The following OR5AS1 variants were observed in gnomAD, a reference collection of about 807,000 sequenced individuals.
OR5AS1 encodes olfactory receptor family 5 subfamily AS member 1.
For synonymous variants in OR5AS1, 196 were observed against 141.7 expected (o/e 1.38, Z -2.72); for missense variants, 492 against 378.2 (o/e 1.30, Z -2.50).
rs1279459255 is a variant in OR5AS1, at chr11:56,036,521, A to G, written c.*5128A>G. 6 of 152,128 alleles carry G rather than the reference A, an allele frequency of 3.9e-5. No individual in the cohort carries two copies. The highest frequency in any genetic ancestry group is 8.8e-5 in the Non-Finnish European group (6 of 68,026). The allele number at this position is 152,128 out of a possible 1,614,324, so 9.4% of individuals were successfully genotyped here. ...ATAAACACCTCCACACAAATAAACT[A>G]GAAAACCTGGAAGAAATGGTTAAAT... On this transcript the variant is annotated 3_prime_UTR_variant, in exon 2 of 2. Transcript: ENST00000641320.
In OR5AS1 at chr11:56,034,728, C is replaced by T. The variant is rs1853387115; in HGVS notation, c.*3335C>T. The stretch of plus-strand genomic sequence containing the variant: ...GGAGAAACTCCCCAACCTAACAAGA[C>T]AGGCCAACATTCAAATTCAGGAAAT... On this transcript the variant is annotated 3_prime_UTR_variant, in exon 2 of 2. Transcript: ENST00000641320. 1 of 152,102 alleles carries T rather than the reference C, an allele frequency of 6.6e-6. No individual in the cohort carries two copies. Among genetic ancestry groups the T allele is most frequent in the South Asian group, 2.1e-4 (1 of 4,826 alleles). The allele number at this position is 152,102 out of a possible 1,614,324, so 9.4% of individuals were successfully genotyped here. A position where few individuals can be genotyped will look rare whatever the true frequency, so the allele number is the denominator to read the frequency against.
At position 56,030,534 on chromosome 11, in the gene OR5AS1, T is replaced by A. The variant is rs777094904; in HGVS notation, c.116T>A (p.Met39Lys). ...LVFLLVYTLT[M>K]VGNILLIILV... ...TTCCTTCTGGTATATACATTAACTATGGTCGGAAATATACTCTTAATAATT... is the reference window on the plus strand; with the variant it reads ...TTCCTTCTGGTATATACATTAACTAAGGTCGGAAATATACTCTTAATAATT... The change falls in exon 2 of 2, where the codon ATG becomes AAG. Residue 39 changes from methionine to lysine, a missense_variant. By Grantham distance (95) the Met-to-Lys change is moderately conservative (BLOSUM62 -1). Coordinates refer to ENST00000641320, the MANE Select transcript of OR5AS1 (RefSeq NM_001001921.2). 6.4e-7 allele frequency: 1 copy of A among 1,554,762 alleles called. No homozygotes were observed. The highest frequency in any genetic ancestry group is 1.4e-5 in the African/African-American group (1 of 72,472).
intron 1 of OR5AS1, among the ~76,000 whole-genome samples, chr11:56,028,056 A>G (rs1224116219): frequency 6.6e-6 from 1 of 152,136 alleles, no homozygotes; most frequent in African/African-American, 2.4e-5. Flanking sequence ...CTCAGATTTT[A>G]TAAGCACAAA....
In OR5AS1 at chr11:56,035,196, G is replaced by T. The variant is rs117682126; in HGVS notation, c.*3803G>T. On this transcript the variant is annotated 3_prime_UTR_variant, in exon 2 of 2. Transcript: ENST00000641320. ...TTTTAAAGAACATTGACACTACGAA[G>T]AAACCACATCAGCTAATGGGCAAAA... The T allele has an allele frequency of 6.6e-6, 1 of 152,062 alleles. No homozygotes were observed. Among genetic ancestry groups the T allele is most frequent in the Non-Finnish European group, 1.5e-5 (1 of 68,026 alleles). The allele number at this position is 152,062 out of a possible 1,614,324, so 9.4% of individuals were successfully genotyped here. A position where few individuals can be genotyped will look rare whatever the true frequency, so the allele number is the denominator to read the frequency against.
rs545109019 is a variant in OR5AS1 at position 56,036,643 on chromosome 11, G to A, written c.*5250G>A. 1 of 152,082 alleles carries A rather than the reference G, an allele frequency of 6.6e-6. No individual in the cohort carries two copies. The highest frequency in any genetic ancestry group is 6.6e-5 in the Admixed American group (1 of 15,262). The allele number at this position is 152,082 out of a possible 1,614,324, so 9.4% of individuals were successfully genotyped here. ...CCCAAAATTGAGGCAGTAATTAATAGCCTACCAACAAAAAATAGTCCAGGA... is the reference window on the plus strand; with the variant it reads ...CCCAAAATTGAGGCAGTAATTAATAACCTACCAACAAAAAATAGTCCAGGA... On this transcript the variant is annotated 3_prime_UTR_variant, in exon 2 of 2. Transcript: ENST00000641320.
chr11:56,032,489 A>G lies in OR5AS1; in HGVS notation c.*1096A>G, dbSNP rs556317695. ...CTTTTTGTCTTATTTTGACAAAGTTAAAGTGATACACCATGTACATGTGAA... is the reference window on the plus strand; with the variant it reads ...CTTTTTGTCTTATTTTGACAAAGTTGAAGTGATACACCATGTACATGTGAA... On this transcript the variant is annotated 3_prime_UTR_variant, in exon 2 of 2. Coordinates refer to ENST00000641320, the MANE Select transcript of OR5AS1 (RefSeq NM_001001921.2). The G allele has an allele frequency of 6.6e-6, 1 of 152,250 alleles. No individual in the cohort carries two copies. Among genetic ancestry groups the G allele is most frequent in the Non-Finnish European group, 1.5e-5 (1 of 68,030 alleles). The allele number at this position is 152,250 out of a possible 1,614,324, so 9.4% of individuals were successfully genotyped here. A position where few individuals can be genotyped will look rare whatever the true frequency, so the allele number is the denominator to read the frequency against.
chr11:56,030,064 C>A (rs1168908187), intron 1 of OR5AS1, among the ~76,000 whole-genome samples: 1 of 152,078 alleles, frequency 6.6e-6, no homozygotes, highest in African/African-American at 2.4e-5. Context: ...ATTTTGCCAA[C>A]TCTCATTATT....
chr11:56,030,282 C>T, intron 1 of OR5AS1, 109 bp from the exon 2 acceptor site: 1 of 447,398 alleles, frequency 2.2e-6, no homozygotes, highest in Non-Finnish European at 3.9e-6. Context: ...CAAAAAATGA[C>T]ATCTCTGTGA....
chr11:56,031,138 T>C lies in OR5AS1; in HGVS notation c.720T>C (p.Thr240=). 6.2e-7 allele frequency: 1 copy of C among 1,614,110 alleles called. No individual in the cohort carries two copies. The change falls in exon 2 of 2, where the codon ACT becomes ACC. Residue 240 remains threonine (T), a synonymous_variant. Transcript: ENST00000641320. ...GTGGCAGAAGCAAAACATTCTCCAC[T>C]TGTGCTTCCCACCTCATAGCAGTCA... ...SSGGRSKTFS[T]CASHLIAVTL... is the part of the protein sequence containing the mutation.
Position 56,036,321 on chromosome 11 carries a change from C to A in OR5AS1, c.*4928C>A, listed in dbSNP as rs1006366398. ...GGAGATAGAGACATGAAAAACCCTT[C>A]AAAAAATCAATGAATCCAGGAGTTG... On this transcript the variant is annotated 3_prime_UTR_variant, in exon 2 of 2. Transcript: ENST00000641320. 5 of 151,876 alleles carry A rather than the reference C, an allele frequency of 3.3e-5. No homozygotes were observed. Among genetic ancestry groups the A allele is most frequent in the African/African-American group, 1.2e-4 (5 of 41,306 alleles). 9.4% of individuals were successfully genotyped at this position (151,876 alleles called of 1,614,324 possible). A position where few individuals can be genotyped will look rare whatever the true frequency, so the allele number is the denominator to read the frequency against.
chr11:56,034,121 A>G lies in OR5AS1; in HGVS notation c.*2728A>G, dbSNP rs74611397. On this transcript the variant is annotated 3_prime_UTR_variant, in exon 2 of 2. Transcript: ENST00000641320. ...CACCAACATCAAAGACCAAAGGTAGATAAATGCATGATGGTGAGGAAAAAC... is the reference window on the plus strand; with the variant it reads ...CACCAACATCAAAGACCAAAGGTAGGTAAATGCATGATGGTGAGGAAAAAC... 6.6e-6 allele frequency: 1 copy of G among 152,166 alleles called. No homozygotes were observed. The highest frequency in any genetic ancestry group is 2.4e-5 in the African/African-American group (1 of 41,408). The allele number at this position is 152,166 out of a possible 1,614,324, so 9.4% of individuals were successfully genotyped here.
At position 56,030,946 on chromosome 11, in the gene OR5AS1, T is replaced by G. The variant is rs771738534; in HGVS notation, c.528T>G (p.His176Gln). The G allele has an allele frequency of 6.2e-7, 1 of 1,613,984 alleles. No individual in the cohort carries two copies. ...TTTGTGGCTCCAATATCGTCAATCA[T>G]TTTTTCTGTGATATCCCACCTCTTC... ...LSFCGSNIVN[H>Q]FFCDIPPLLA... Residue 176 changes from histidine to glutamine, a missense_variant, in exon 2 of 2, where the codon CAT becomes CAG. By Grantham distance (24) the His-to-Gln change is conservative. Transcript: ENST00000641320.
At chr11:56,029,072 A>T (rs1381480304) in intron 1 of OR5AS1, among the ~76,000 whole-genome samples, 1 of 152,100 alleles carries the variant, frequency 6.6e-6, no homozygotes, top group Non-Finnish European at 1.5e-5. Context: ...ATCTGAGTTC[A>T]CAAAGAAGGC....
In OR5AS1 at chr11:56,031,560, A is replaced by G; in HGVS notation, c.*167A>G. ...GTTCTCTCCACAATTCTACTCTATA[A>G]AACATTACCTAATTAAACATAGTCA... On this transcript the variant is annotated 3_prime_UTR_variant, in exon 2 of 2. Transcript: ENST00000641320. 2.0e-6 allele frequency: 1 copy of G among 511,352 alleles called. No homozygotes were observed. The highest frequency in any genetic ancestry group is 3.4e-6 in the Non-Finnish European group (1 of 290,468). 31.7% of individuals were successfully genotyped at this position (511,352 alleles called of 1,614,324 possible).
In OR5AS1 at chr11:56,035,266, A is replaced by T. The variant is rs985182826; in HGVS notation, c.*3873A>T. On this transcript the variant is annotated 3_prime_UTR_variant, in exon 2 of 2. Coordinates refer to ENST00000641320, the MANE Select transcript of OR5AS1 (RefSeq NM_001001921.2). The stretch of plus-strand genomic sequence containing the variant: ...TGACAGGATCAAATTCACACATAAC[A>T]ATATTAACCTTAAATGTAAATGGGC... 2 of 152,208 alleles carry T rather than the reference A, an allele frequency of 1.3e-5. No homozygotes were observed. The highest frequency in any genetic ancestry group is 2.9e-5 in the Non-Finnish European group (2 of 68,048). 9.4% of individuals were successfully genotyped at this position (152,208 alleles called of 1,614,324 possible). A position where few individuals can be genotyped will look rare whatever the true frequency, so the allele number is the denominator to read the frequency against.
Position 56,034,293 on chromosome 11 carries a change from T to C in OR5AS1, c.*2900T>C, listed in dbSNP as rs973146217. 3 of 150,892 alleles carry C rather than the reference T, an allele frequency of 2.0e-5. No homozygotes were observed. Among genetic ancestry groups the C allele is most frequent in the Non-Finnish European group, 3.0e-5 (2 of 67,394 alleles). The allele number at this position is 150,892 out of a possible 1,614,324, so 9.3% of individuals were successfully genotyped here. On this transcript the variant is annotated 3_prime_UTR_variant, in exon 2 of 2. Transcript: ENST00000641320. ...AATTGGGTAATAACAAATAGAAGAA[T>C]TGGGTAATATCAAACTCCTCTGAGC...
chr11:56,029,319 T>C (rs1853324455), intron 1 of OR5AS1, among the ~76,000 whole-genome samples: 1 of 152,102 alleles, frequency 6.6e-6, no homozygotes, highest in Non-Finnish European at 1.5e-5. Flanking sequence ...GATTATTTTT[T>C]CATTTTTCCA....
intron 1 of OR5AS1, among the ~76,000 whole-genome samples, chr11:56,029,714 C>T (rs767212379): frequency 2.6e-5 from 4 of 151,920 alleles, no homozygotes; most frequent in Non-Finnish European, 5.9e-5. Flanking sequence ...ATTTAATCAG[C>T]GCTCACACAG....
rs751429911 is a variant in OR5AS1, at chr11:56,031,327, G to A, written c.909G>A (p.Lys303=). The part of the protein sequence containing the change: ...RNKDVKNALK[K]LLERIGYSNE... ...AGGATGTGAAAAATGCTCTCAAAAAGCTATTAGAAAGAATTGGATATTCAA... is the reference window on the plus strand; with the variant it reads ...AGGATGTGAAAAATGCTCTCAAAAAACTATTAGAAAGAATTGGATATTCAA... Residue 303 remains lysine, a synonymous_variant, in exon 2 of 2, where the codon AAG becomes AAA. Coordinates refer to ENST00000641320, the MANE Select transcript of OR5AS1 (RefSeq NM_001001921.2). 2.1e-5 allele frequency: 33 copies of A among 1,594,042 alleles called. 1 individual carries two copies. In the South Asian group the frequency reaches 3.3e-4, roughly 16 times the overall value.
Sources: allele counts gnomAD v4.1 joint callset (sites outside exome capture counted in the v4.1 genomes callset), GRCh38; gene constraint gnomAD v4.1.1; transcripts MANE v1.5; gene names NCBI Gene and HGNC (gene_info 2026-07-23, HGNC 2026-07-21).